The following DST variants were observed in gnomAD, a reference collection of about 807,000 sequenced individuals.
DST encodes bullous pemphigoid antigen.
Under a neutral mutation model 875.2 loss-of-function variants are expected in DST, and 253 were observed. The observed-to-expected ratio is 0.29, with a 90% CI of 0.26 to 0.32. The LOEUF (loss-of-function observed/expected upper bound fraction) is 0.32, where lower values mean the gene tolerates loss of function less well. Ranked by LOEUF, DST falls within the 10% of genes least tolerant of loss-of-function variation. DST has a pLI of 1.00. For missense variants in DST, 8,287 were observed against 9,111.6 expected, an observed-to-expected ratio of 0.91 and a Z score of 3.68; for synonymous variants, 3,124 against 3,197.1, an observed-to-expected ratio of 0.98 and a Z score of 0.77.
intron 99 of DST, 81 bp downstream of exon 99, chr6:56,465,997 T>C: frequency 8.6e-7 from 1 of 1,157,208 alleles, no homozygotes; most frequent in South Asian, 1.4e-5. Flanking sequence ...TGACCAAAAT[T>C]ATGCCCAGTA....
chr6:56,889,392 T>C (rs1434235764), intron 3 of DST, among the ~76,000 whole-genome samples: 1 of 152,222 alleles, frequency 6.6e-6, no homozygotes, highest in Non-Finnish European at 1.5e-5. Flanking sequence ...TAGGCCCATA[T>C]GTCCTCCAAC....
At chr6:56,483,320 C>G (rs9382635) in intron 88 of DST, among the ~76,000 whole-genome samples, 48,734 of 151,960 alleles carry the variant, frequency 0.32, 8,060 homozygotes, top group Middle Eastern at 0.43. Flanking sequence ...TATCTAAGAA[C>G]CTAACAGAGG....
chr6:56,711,031 T>G (rs114876748), intron 5 of DST, among the ~76,000 whole-genome samples: 4,246 of 152,220 alleles, frequency 0.028, 200 homozygotes, highest in African/African-American at 0.096. Context: ...TAATCCACAT[T>G]GGTACTAGGT....
At chr6:56,696,959 T>C (rs970644487) in intron 9 of DST, among the ~76,000 whole-genome samples, 4 of 152,116 alleles carry the variant, frequency 2.6e-5, no homozygotes, top group African/African-American at 9.7e-5. Context: ...TTCTTTCCGA[T>C]AAAATCAGTG....
intron 4 of DST, among the ~76,000 whole-genome samples, chr6:56,847,244 C>T (rs1179188542): frequency 2.6e-5 from 4 of 152,110 alleles, no homozygotes; most frequent in Admixed American, 2.6e-4. Context: ...CCCTTGAGTC[C>T]AGGACTTAGA....
At chr6:56,713,846 A>G (rs1207893960) in intron 5 of DST, among the ~76,000 whole-genome samples, 1 of 152,172 alleles carries the variant, frequency 6.6e-6, no homozygotes, top group East Asian at 1.9e-4. Context: ...ATACTCTGAT[A>G]CTTTCAGATA....
At chr6:56,893,392 C>T (rs1379443068) in intron 3 of DST, among the ~76,000 whole-genome samples, 1 of 152,056 alleles carries the variant, frequency 6.6e-6, no homozygotes, top group Non-Finnish European at 1.5e-5. Flanking sequence ...GTTTCTTTAT[C>T]CACTCGTTGA....
chr6:56,609,409 A>G, intron 39 of DST, 65 bp from the exon 40 acceptor site: 5 of 1,185,166 alleles, frequency 4.2e-6, no homozygotes, highest in Admixed American at 2.3e-5. Flanking sequence ...GTTTCATGCA[A>G]CTTAGGTTTT....
intron 92 of DST, 151 bp downstream of exon 92, chr6:56,475,998 T>C (rs1260478881): frequency 4.5e-6 from 3 of 662,620 alleles, no homozygotes; most frequent in East Asian, 6.0e-5. Context: ...TTTAGGGCAG[T>C]TGCAGAGTTG....
chr6:56,617,891 A>G, intron 36 of DST: 1 of 1,078,282 alleles, frequency 9.3e-7, no homozygotes, highest in East Asian at 2.4e-5. Context: ...AATCACATTC[A>G]AAATTGTTTT....
intron 42 of DST, 63 bp from the exon 43 acceptor site, chr6:56,603,094 G>T: frequency 6.5e-7 from 1 of 1,538,016 alleles, no homozygotes; most frequent in South Asian, 1.3e-5. Context: ...TACAAATAAT[G>T]ACTGTGGTTT....
intron 9 of DST, among the ~76,000 whole-genome samples, chr6:56,683,752 C>T (rs2099167748): frequency 6.6e-6 from 1 of 152,170 alleles, no homozygotes; most frequent in Non-Finnish European, 1.5e-5. Flanking sequence ...TTTGTCATTT[C>T]AGAAAATCAA....
chr6:56,909,566 A>G (rs1350880042), intron 2 of DST, among the ~76,000 whole-genome samples: 3 of 152,208 alleles, frequency 2.0e-5, no homozygotes, highest in Non-Finnish European at 4.4e-5. Flanking sequence ...TGTTTGAGCC[A>G]ATGAGTATAT....
intron 61 of DST, among the ~76,000 whole-genome samples, chr6:56,543,856 A>G (rs1373093455): frequency 1.3e-5 from 2 of 152,224 alleles, no homozygotes; most frequent in Non-Finnish European, 2.9e-5. Context: ...CGATAAATCT[A>G]AGAGTTGAAT....
chr6:56,695,338 C>A (rs548098797), intron 9 of DST, among the ~76,000 whole-genome samples: 2 of 152,112 alleles, frequency 1.3e-5, no homozygotes, highest in East Asian at 3.9e-4. Flanking sequence ...TCCAAATAAA[C>A]CTCTTTTCTG....
At chr6:56,478,405 G>C (rs2095284108) in intron 90 of DST, among the ~76,000 whole-genome samples, 1 of 152,136 alleles carries the variant, frequency 6.6e-6, no homozygotes, top group East Asian at 1.9e-4. Flanking sequence ...TAAAATGCCA[G>C]TAAGAGCCAC....
At chr6:56,621,134 C>A (rs1210300323) in intron 36 of DST, among the ~76,000 whole-genome samples, 1 of 152,044 alleles carries the variant, frequency 6.6e-6, no homozygotes, top group East Asian at 1.9e-4. Flanking sequence ...CAACATAATC[C>A]TAAGAGGTAG....
intron 2 of DST, among the ~76,000 whole-genome samples, chr6:56,937,222 T>A (rs1322423506): frequency 1.3e-5 from 2 of 151,830 alleles, no homozygotes; most frequent in Non-Finnish European, 2.9e-5. Context: ...AAGACACCAT[T>A]AAGTAAATGA....
chr6:56,833,897 A>T lies in DST; in HGVS notation c.625+17500T>A, dbSNP rs202204144. Among the ~76,000 whole-genome samples, 9 of 151,888 alleles carry T rather than the reference A, an allele frequency of 5.9e-5. No homozygotes were observed. In the East Asian group the frequency reaches 1.7e-3, roughly 29 times the overall value. ...GACTGGTATCCAAAATATACAAAAA[A>T]CTCCAAAACTCAACAATAAAAAAAA... On this transcript the variant is annotated intron_variant, in intron 4 of 103. Transcript: ENST00000680361.
Sources: allele counts gnomAD v4.1 joint callset (sites outside exome capture counted in the v4.1 genomes callset), GRCh38; gene constraint gnomAD v4.1.1; transcripts MANE v1.5; gene names NCBI Gene and HGNC (gene_info 2026-07-23, HGNC 2026-07-21).